RIMS1: variants seen among roughly 807,000 people sequenced by gnomAD.
The protein encoded by RIMS1 is regulating synaptic membrane exocytosis 1.
RIMS1 carries 83 observed loss-of-function variants against 214.1 expected under a neutral mutation model. That is an observed-to-expected ratio of 0.39 (90% CI 0.32 to 0.47). The LOEUF is 0.47. Ranked by LOEUF, RIMS1 falls within the 20% of genes least tolerant of loss-of-function variation. The pLI, the probability that RIMS1 is intolerant of heterozygous loss-of-function variation, is 0.99. For synonymous variants in RIMS1, 793 were observed against 786.8 expected, an observed-to-expected ratio of 1.01 and a Z score of -0.13; for missense variants, 2,050 against 2,161.8, an observed-to-expected ratio of 0.95 and a Z score of 1.03.
At chr6:71,958,268 G>A (rs79623851) in intron 1 of RIMS1, among the ~76,000 whole-genome samples, 1,562 of 152,162 alleles carry the variant, frequency 0.01, 30 homozygotes, top group African/African-American at 0.036. Flanking sequence ...GTAAAGATTC[G>A]ATGTCATAAT....
intron 4 of RIMS1, among the ~76,000 whole-genome samples, chr6:72,129,447 G>A (rs1417478211): frequency 1.3e-5 from 2 of 152,006 alleles, no homozygotes; most frequent in East Asian, 3.8e-4. Context: ...AAAAATCACA[G>A]CTTCCCTAGA....
chr6:71,896,120 C>A (rs925582374), intron 1 of RIMS1, among the ~76,000 whole-genome samples: 2 of 152,064 alleles, frequency 1.3e-5, no homozygotes, highest in Non-Finnish European at 2.9e-5. Flanking sequence ...TGAACAGTCT[C>A]ATTTATTTTA....
At chr6:72,259,621 C>CA (rs66466610) in intron 18 of RIMS1, among the ~76,000 whole-genome samples, 107,385 of 151,958 alleles carry the variant, frequency 0.71, 38,796 homozygotes, top group East Asian at 0.98. Flanking sequence ...CTATAGAATA[C>CA]AATTATTGAG....
chr6:72,162,816 T>C (rs568534109), intron 4 of RIMS1, among the ~76,000 whole-genome samples: 1 of 140,334 alleles, frequency 7.1e-6, no homozygotes, highest in African/African-American at 2.5e-5. Context: ...TGGCTGCCCT[T>C]AACATTTTTT....
At chr6:71,940,389 T>G (rs1357023554) in intron 1 of RIMS1, among the ~76,000 whole-genome samples, 1 of 152,178 alleles carries the variant, frequency 6.6e-6, no homozygotes, top group Non-Finnish European at 1.5e-5. Context: ...ATTTAAACCT[T>G]AGGATATTAC....
rs1399000795 is a variant in RIMS1 at position 72,266,062 on chromosome 6, G to A, written c.3398+13G>A. 6.5e-7 allele frequency: 1 copy of A among 1,537,332 alleles called. No homozygotes were observed. Among genetic ancestry groups the A allele is most frequent in the Non-Finnish European group, 8.8e-7 (1 of 1,130,862 alleles). On this transcript the variant is annotated intron_variant, in intron 22 of 33. Coordinates refer to ENST00000521978, the MANE Select transcript of RIMS1 (RefSeq NM_014989.7). The stretch of plus-strand genomic sequence containing the variant: ...CAGAACGAGAAAGGTATAAAATAAA[G>A]ACTTTCTTAATTTCTTATCATTTGT...
intron 4 of RIMS1, among the ~76,000 whole-genome samples, chr6:72,145,734 C>G (rs1032441670): frequency 2.6e-5 from 4 of 152,208 alleles, no homozygotes; most frequent in African/African-American, 9.7e-5. Flanking sequence ...CTCTGCAAGT[C>G]AAGCTTGATT....
chr6:71,888,958 G>C (rs1768718782), intron 1 of RIMS1, among the ~76,000 whole-genome samples: 2 of 152,222 alleles, frequency 1.3e-5, no homozygotes, highest in Non-Finnish European at 2.9e-5. Context: ...GATGGTGTCT[G>C]ATAGTGCTGC....
In RIMS1 at chr6:72,182,910, C is replaced by T. The variant is rs777283802; in HGVS notation, c.1439C>T (p.Ser480Leu). 1 of 1,577,886 alleles carries T rather than the reference C, an allele frequency of 6.3e-7. No individual in the cohort carries two copies. Among genetic ancestry groups the T allele is most frequent in the Non-Finnish European group, 8.6e-7 (1 of 1,163,316 alleles). ...AAGCAGAGCCGCCTGGACCCCAGCT[C>T]GGCGGTCCTCATGCGGAAGGCCAAG... Reference protein sequence around the residue: ...LRKQSRLDPSSAVLMRKAKRE... With the variant: ...LRKQSRLDPSLAVLMRKAKRE... Residue 480 changes from serine to leucine, a missense_variant, in exon 6 of 34, where the codon TCG becomes TTG. Around this residue, in one of 6 missense-constraint regions of RIMS1, gnomAD observed 882 missense variants for 828.9 expected, o/e 1.06. Coordinates refer to ENST00000521978, the MANE Select transcript of RIMS1 (RefSeq NM_014989.7).
intron 2 of RIMS1, among the ~76,000 whole-genome samples, chr6:71,981,742 C>T (rs1055669770): frequency 1.3e-5 from 2 of 152,016 alleles, no homozygotes; most frequent in African/African-American, 2.4e-5. Flanking sequence ...GGCAGTAAGT[C>T]GTATGCTATC....
At chr6:72,158,246 C>T (rs1201030525) in intron 4 of RIMS1, among the ~76,000 whole-genome samples, 1 of 140,724 alleles carries the variant, frequency 7.1e-6, no homozygotes, top group African/African-American at 2.5e-5. Flanking sequence ...TTTTTAAAAA[C>T]ATGTTTTCCT....
At chr6:72,303,911 A>G (rs576290060) in intron 26 of RIMS1, among the ~76,000 whole-genome samples, 1 of 151,712 alleles carries the variant, frequency 6.6e-6, no homozygotes, top group South Asian at 2.1e-4. Context: ...AGATACATAC[A>G]TTTTGATCTA....
At chr6:72,282,580 G>A (rs1430759235) in intron 23 of RIMS1, among the ~76,000 whole-genome samples, 3 of 151,982 alleles carry the variant, frequency 2.0e-5, no homozygotes, top group Non-Finnish European at 4.4e-5. Context: ...TCTCTTTGCT[G>A]TATAGTATAG....
chr6:72,044,205 C>T (rs941305823), intron 2 of RIMS1, among the ~76,000 whole-genome samples: 1 of 151,592 alleles, frequency 6.6e-6, no homozygotes, highest in African/African-American at 2.4e-5. Flanking sequence ...AAAAATTAGA[C>T]CTTTACCTCA....
At chr6:72,078,078 C>T (rs1458424447) in intron 2 of RIMS1, among the ~76,000 whole-genome samples, 2 of 152,108 alleles carry the variant, frequency 1.3e-5, no homozygotes, top group African/African-American at 2.4e-5. Flanking sequence ...GTTTTGAAAG[C>T]AATCTGTTAA....
At chr6:72,174,084 T>C (rs550524648) in intron 4 of RIMS1, among the ~76,000 whole-genome samples, 12 of 152,348 alleles carry the variant, frequency 7.9e-5, no homozygotes, top group African/African-American at 2.9e-4. Context: ...TCATGGGTTC[T>C]GCAGAGAAAA....
At chr6:72,392,844 G>T in intron 31 of RIMS1, 34 bp downstream of exon 31, 2 of 1,407,234 alleles carry the variant, frequency 1.4e-6, no homozygotes, top group South Asian at 1.2e-5. Context: ...CAAGAAAATT[G>T]ATGTTTTGTG....
intron 30 of RIMS1, 74 bp downstream of exon 30, chr6:72,390,810 C>T (rs1468820124): frequency 9.3e-6 from 14 of 1,504,874 alleles, no homozygotes; most frequent in Non-Finnish European, 1.3e-5. Context: ...AACAAAGCCA[C>T]TGAGTGTTAC....
At chr6:72,019,551 A>T (rs760825891) in intron 2 of RIMS1, among the ~76,000 whole-genome samples, 1 of 152,234 alleles carries the variant, frequency 6.6e-6, no homozygotes, top group African/African-American at 2.4e-5. Flanking sequence ...TGTGATAGAG[A>T]TAATGCAAAA....
Sources: gnomAD v4.1 joint callset for allele counts (sites outside exome capture counted in the v4.1 genomes callset) on GRCh38, gnomAD v4.1.1 for gene constraint, gnomAD v4.1.1 regional missense constraint, MANE v1.5 for transcripts, NCBI Gene and HGNC (gene_info 2026-07-23, HGNC 2026-07-21) for gene names.